Variants in C5orf47 observed in about 807,000 individuals in gnomAD.
The protein encoded by C5orf47 is chromosome 5 open reading frame 47, also known as uncharacterized protein C5orf47.
A neutral mutation model predicts 20.6 loss-of-function variants in C5orf47; 20 were observed. That is an observed-to-expected ratio of 0.97 (90% CI 0.68 to 1.41). C5orf47 has a LOEUF of 1.41. Among genes scored for constraint, C5orf47 ranks in the 40% most tolerant of loss-of-function variants. The pLI is 0.00. For missense variants in C5orf47, 262 were observed against 238.4 expected (o/e 1.10, Z -0.65); for synonymous variants, 106 against 97.3 (o/e 1.09, Z -0.53).
chr5:173,994,752 A>G (rs1490542413), intron 1 of C5orf47, among the ~76,000 whole-genome samples: 1 of 152,208 alleles, frequency 6.6e-6, no homozygotes, highest in East Asian at 1.9e-4. Flanking sequence ...ACTTATGTTT[A>G]AACCAAGCCA....
downstream of C5orf47, among the ~76,000 whole-genome samples, chr5:174,009,504 G>A (rs1225603232): frequency 6.8e-6 from 1 of 147,566 alleles, no homozygotes; most frequent in Non-Finnish European, 1.5e-5. Flanking sequence ...CGCTTTAGCT[G>A]TATCCTACAG....
intron 3 of C5orf47, 136 bp from the exon 4 acceptor site, chr5:174,001,060 A>G (rs1006972435): frequency 1.5e-6 from 1 of 662,082 alleles, no homozygotes; most frequent in East Asian, 2.8e-5. Context: ...AAACTACATT[A>G]CAGAACTTCT....
chr5:173,990,676 G>A (rs79761682), intron 1 of C5orf47, among the ~76,000 whole-genome samples: 22,889 of 152,042 alleles, frequency 0.15, 2,110 homozygotes, highest in African/African-American at 0.26. Context: ...GACCTCAGGT[G>A]ATCCACCCGC....
downstream of C5orf47, among the ~76,000 whole-genome samples, chr5:174,008,090 G>A (rs1243141731): frequency 6.6e-6 from 1 of 152,200 alleles, no homozygotes; most frequent in Non-Finnish European, 1.5e-5. Flanking sequence ...GATTTTAGGA[G>A]TCCAACGTAG....
intron 1 of C5orf47, among the ~76,000 whole-genome samples, chr5:173,997,880 G>T (rs1036380416): frequency 6.6e-5 from 10 of 152,186 alleles, no homozygotes; most frequent in African/African-American, 2.2e-4. Context: ...TCATTCTGTT[G>T]TTGGTCTTTT....
intron 1 of C5orf47, among the ~76,000 whole-genome samples, chr5:173,990,343 G>A (rs1325934488): frequency 6.6e-6 from 1 of 151,952 alleles, no homozygotes; most frequent in Non-Finnish European, 1.5e-5. Flanking sequence ...GGCTGGTCTC[G>A]AACTCCTGGG....
chr5:174,001,193 CA>C lies in C5orf47; in HGVS notation c.512-2del. ...TTTTCCTTATTTTTTATGTTGTTTG[CA>C]GGCTCAAATTACACAAGATGAATCT... On this transcript the variant is annotated splice_acceptor_variant, in intron 3 of 4. Coordinates refer to ENST00000340147, the MANE Select transcript of C5orf47 (RefSeq NM_001144954.2). LOFTEE classifies it high-confidence loss of function. The C allele has an allele frequency of 6.6e-7, 1 of 1,516,828 alleles. No homozygotes were observed. Among genetic ancestry groups the C allele is most frequent in the South Asian group, 1.2e-5 (1 of 81,832 alleles). 94.0% of individuals were successfully genotyped at this position (1,516,828 alleles called of 1,614,324 possible). A position where few individuals can be genotyped will look rare whatever the true frequency, so the allele number is the denominator to read the frequency against.
Position 174,005,407 on chromosome 5 carries a change from A to ATT in C5orf47, c.*1154_*1155dup, listed in dbSNP as rs1348898523. 5.6e-4 allele frequency: 86 copies of ATT among 152,430 alleles called. No individual in the cohort carries two copies. The highest frequency in any genetic ancestry group is 5.6e-3 in the Admixed American group (86 of 15,300). The allele number at this position is 152,430 out of a possible 1,614,324, so 9.4% of individuals were successfully genotyped here. A position where few individuals can be genotyped will look rare whatever the true frequency, so the allele number is the denominator to read the frequency against. ...TTTTTCCTCTAATAGTTGTAACTTAATTACTTCAGGAGACTACGACAGTGT... is the reference window on the plus strand; with the variant it reads ...TTTTTCCTCTAATAGTTGTAACTTAATTTTACTTCAGGAGACTACGACAGTGT... On this transcript the variant is annotated 3_prime_UTR_variant, in exon 5 of 5. Coordinates refer to ENST00000340147, the MANE Select transcript of C5orf47 (RefSeq NM_001144954.2).
chr5:174,007,497 T>C (rs1581200386), downstream of C5orf47, among the ~76,000 whole-genome samples: 1 of 152,212 alleles, frequency 6.6e-6, no homozygotes, highest in African/African-American at 2.4e-5. Context: ...CACAGTTGTA[T>C]TCACATGGGG....
chr5:174,006,914 C>G (rs1410372270), downstream of C5orf47, among the ~76,000 whole-genome samples: 1 of 152,126 alleles, frequency 6.6e-6, no homozygotes, highest in Non-Finnish European at 1.5e-5. Flanking sequence ...GCCATTCTTC[C>G]CAACAAGTTG....
chr5:174,007,675 A>T (rs1399988461), downstream of C5orf47, among the ~76,000 whole-genome samples: 3 of 150,950 alleles, frequency 2.0e-5, no homozygotes, highest in Non-Finnish European at 4.4e-5. Flanking sequence ...CTCCTGCCTC[A>T]GCCTCCTGAG....
At chr5:173,993,610 C>T (rs1290991819) in intron 1 of C5orf47, among the ~76,000 whole-genome samples, 1 of 152,126 alleles carries the variant, frequency 6.6e-6, no homozygotes, top group Non-Finnish European at 1.5e-5. Flanking sequence ...TGCCACTGCA[C>T]TCCAGCCTGG....
At chr5:173,994,466 A>T (rs1036039840) in intron 1 of C5orf47, among the ~76,000 whole-genome samples, 1 of 151,968 alleles carries the variant, frequency 6.6e-6, no homozygotes, top group Non-Finnish European at 1.5e-5. Context: ...GCCACAAAGG[A>T]GTTGGTGGGT....
At position 173,989,551 on chromosome 5, in the gene C5orf47, G is replaced by C. The variant is rs1183133092; in HGVS notation, c.288G>C (p.Ser96=). The C allele has an allele frequency of 6.6e-7, 1 of 1,512,472 alleles. No individual in the cohort carries two copies. Among genetic ancestry groups the C allele is most frequent in the African/African-American group, 1.4e-5 (1 of 71,410 alleles). 93.7% of individuals were successfully genotyped at this position (1,512,472 alleles called of 1,614,324 possible). A position where few individuals can be genotyped will look rare whatever the true frequency, so the allele number is the denominator to read the frequency against. Residue 96 remains serine (S), a synonymous_variant, in exon 1 of 5, where the codon TCG becomes TCC. Coordinates refer to ENST00000340147, the MANE Select transcript of C5orf47 (RefSeq NM_001144954.2). Reference sequence around the variant, plus strand: ...CTGCCTCCTCCCAGCTGCGGGCATCGAGAGTTCAGAGCGGCACCAGACAGT... The same window carrying C: ...CTGCCTCCTCCCAGCTGCGGGCATCCAGAGTTCAGAGCGGCACCAGACAGT... ...AASASSQLRA[S]RVQSGTRQSA... is the part of the protein sequence containing the mutation.
intron 1 of C5orf47, among the ~76,000 whole-genome samples, chr5:173,994,383 T>C (rs146014839): frequency 4.8e-4 from 73 of 152,260 alleles, no homozygotes; most frequent in African/African-American, 1.7e-3. Context: ...GGGAAGTGTT[T>C]TGGAGCTTCT....
intron 1 of C5orf47, among the ~76,000 whole-genome samples, chr5:173,991,481 C>T (rs1464668447): frequency 6.6e-6 from 1 of 151,282 alleles, no homozygotes; most frequent in Admixed American, 6.6e-5. Context: ...ACAAAGTATC[C>T]CTCCATACTT....
chr5:174,002,003 G>A (rs1450781719), intron 4 of C5orf47, among the ~76,000 whole-genome samples: 1 of 150,158 alleles, frequency 6.7e-6, no homozygotes, highest in Non-Finnish European at 1.5e-5. Flanking sequence ...ACCCAACCTG[G>A]AGTATAGTGA....
downstream of C5orf47, among the ~76,000 whole-genome samples, chr5:174,007,326 C>T (rs1391147615): frequency 6.6e-6 from 1 of 152,110 alleles, no homozygotes; most frequent in Non-Finnish European, 1.5e-5. Context: ...TTATTGCTAC[C>T]ATTAAAGACC....
At chr5:174,006,827 G>A (rs1759299687), downstream of C5orf47, among the ~76,000 whole-genome samples, 1 of 152,126 alleles carries the variant, frequency 6.6e-6, no homozygotes, top group South Asian at 2.1e-4. Context: ...TGTGCTTCTT[G>A]GATTTCCCAC....
Sources: allele counts gnomAD v4.1 joint callset (sites outside exome capture counted in the v4.1 genomes callset), GRCh38; gene constraint gnomAD v4.1.1; transcripts MANE v1.5; gene names NCBI Gene and HGNC (gene_info 2026-07-23, HGNC 2026-07-21).